KCNAB2: variants seen among roughly 807,000 people sequenced by gnomAD.
The protein encoded by KCNAB2 is voltage-gated potassium channel subunit beta-2.
In KCNAB2, 29 loss-of-function variants were observed where a neutral mutation model predicts 63.6. The ratio of observed to expected loss-of-function variants is 0.46; its 90% CI spans 0.34 to 0.62. KCNAB2 has a LOEUF of 0.62. Among genes scored for constraint, KCNAB2 ranks in the 20% least tolerant of loss-of-function variants. The pLI is 0.01. For synonymous variants in KCNAB2, 222 were observed against 224.2 expected (o/e 0.99, Z 0.09); for missense variants, 359 against 563.9 (o/e 0.64, Z 3.68).
At chr1:6,054,467 T>C (rs959267502) in intron 2 of KCNAB2, among the ~76,000 whole-genome samples, 5 of 152,168 alleles carry the variant, frequency 3.3e-5, no homozygotes, top group African/African-American at 1.2e-4. Context: ...CTGTCTCTAC[T>C]AAAAATACAA....
chr1:6,058,435 C>T (rs1243528192), intron 2 of KCNAB2, among the ~76,000 whole-genome samples: 1 of 152,206 alleles, frequency 6.6e-6, no homozygotes, highest in Non-Finnish European at 1.5e-5. Context: ...AGACAAGTCC[C>T]CTGGCCTCTC....
chr1:6,079,684 C>G (rs2871871), intron 4 of KCNAB2, among the ~76,000 whole-genome samples: 1 of 151,990 alleles, frequency 6.6e-6, no homozygotes, highest in Non-Finnish European at 1.5e-5. Flanking sequence ...TTCATAAATA[C>G]CAGAGAATGA....
chr1:6,095,208 C>A, intron 11 of KCNAB2, 115 bp from the exon 12 acceptor site: 1 of 1,119,602 alleles, frequency 8.9e-7, no homozygotes, highest in South Asian at 1.5e-5. Flanking sequence ...GCCCGGGCTG[C>A]AGCTGCTGGG....
Position 6,096,500 on chromosome 1 carries a change from C to T in KCNAB2, c.949-136C>T, listed in dbSNP as rs1665651761. ...TGAGAGGCCTGGGGCAGGGGCACTG[C>T]CCTGGCTTCAAGATGAGAAGAGCCC... On this transcript the variant is annotated intron_variant, in intron 13 of 15. Coordinates refer to ENST00000378083, the MANE Select transcript of KCNAB2 (RefSeq NM_001199862.2). This position sits in a 1 kb window ranked among gnomAD's most constrained non-coding sequence, Gnocchi z 5.9. 6 of 1,238,636 alleles carry T rather than the reference C, an allele frequency of 4.8e-6. No homozygotes were observed. Among genetic ancestry groups the T allele is most frequent in the Admixed American group, 2.9e-5 (1 of 34,928 alleles). The allele number at this position is 1,238,636 out of a possible 1,614,324, so 76.7% of individuals were successfully genotyped here.
In KCNAB2 at chr1:6,050,560, C is replaced by T. The variant is rs563996870; in HGVS notation, c.-26-951C>T. Among the ~76,000 whole-genome samples the T allele has an allele frequency of 6.6e-5, 10 of 152,332 alleles. No individual in the cohort carries two copies. The East Asian group carries it at 1.9e-3, about 29-fold the overall frequency. On this transcript the variant is annotated intron_variant, in intron 1 of 15. Transcript: ENST00000378083. ...TTTCTCCCTTGGCCTTTTAATTGTC[C>T]ACTATCTCTCAGGGCTCACTCACTC...
intron 1 of KCNAB2, among the ~76,000 whole-genome samples, chr1:6,039,975 C>T (rs564860097): frequency 6.6e-6 from 1 of 152,318 alleles, no homozygotes; most frequent in Admixed American, 6.5e-5. Flanking sequence ...CAGGGGCTGC[C>T]CAAGGGCAGG....
At chr1:6,008,322 C>T (rs1657946212) in intron 1 of KCNAB2, among the ~76,000 whole-genome samples, 1 of 152,096 alleles carries the variant, frequency 6.6e-6, no homozygotes, top group Non-Finnish European at 1.5e-5. Flanking sequence ...TGTTCATCCT[C>T]TTTAAGAATC....
At position 6,100,752 on chromosome 1, in the gene KCNAB2, C is replaced by T. The variant is rs1329149481; in HGVS notation, c.*2178C>T. ...TCCTGGATGTCCTGCTTGCTCCACA[C>T]CCATCTACAGGGAGGATGTGAGGGG... On this transcript the variant is annotated 3_prime_UTR_variant, in exon 16 of 16. Coordinates refer to ENST00000378083, the MANE Select transcript of KCNAB2 (RefSeq NM_001199862.2). The T allele has an allele frequency of 6.6e-6, 1 of 152,382 alleles. No homozygotes were observed. The highest frequency in any genetic ancestry group is 1.5e-5 in the Non-Finnish European group (1 of 68,138). The allele number at this position is 152,382 out of a possible 1,614,324, so 9.4% of individuals were successfully genotyped here.
intron 1 of KCNAB2, among the ~76,000 whole-genome samples, chr1:6,013,143 G>A (rs920208011): frequency 3.3e-5 from 5 of 152,214 alleles, no homozygotes; most frequent in Middle Eastern, 3.4e-3. Context: ...TGTTCAGAGC[G>A]GGCTGAGACA....
At chr1:6,053,306 G>A (rs1023297216) in intron 2 of KCNAB2, among the ~76,000 whole-genome samples, 7 of 152,112 alleles carry the variant, frequency 4.6e-5, no homozygotes, top group Admixed American at 1.3e-4. Flanking sequence ...GGCACCAGGC[G>A]CTGAGCCAGA....
chr1:6,075,292 C>T (rs1330486782), intron 4 of KCNAB2, among the ~76,000 whole-genome samples: 2 of 152,220 alleles, frequency 1.3e-5, no homozygotes, highest in Non-Finnish European at 2.9e-5. Context: ...AGACTAGACC[C>T]ATCCAATGAG....
At position 6,015,220 on chromosome 1, in the gene KCNAB2, C is replaced by T. The variant is rs537579005; in HGVS notation, c.-53+22432C>T. Among the ~76,000 whole-genome samples, 11 of 151,926 alleles carry T rather than the reference C, an allele frequency of 7.2e-5. No individual in the cohort carries two copies. The South Asian group carries it at 1.5e-3, about 20-fold the overall frequency. On this transcript the variant is annotated intron_variant, in intron 1 of 16. Transcript: ENST00000341524. Reference sequence around the variant, plus strand: ...CTACTTTTTGTATTTTTAGTAGAGACGGTTTCATCATGTTGGCCAGGCTGA... The same window carrying T: ...CTACTTTTTGTATTTTTAGTAGAGATGGTTTCATCATGTTGGCCAGGCTGA...
intron 13 of KCNAB2, 144 bp downstream of exon 13, chr1:6,095,768 T>C: frequency 1.3e-6 from 1 of 748,422 alleles, no homozygotes; most frequent in Non-Finnish European, 2.3e-6. Context: ...GGCGGGCTCC[T>C]TGGCGTGAGA....
At chr1:6,042,936 C>G (rs935259879), upstream of KCNAB2, among the ~76,000 whole-genome samples, 1 of 150,626 alleles carries the variant, frequency 6.6e-6, no homozygotes, top group Non-Finnish European at 1.5e-5. Flanking sequence ...AGTGCCTCCT[C>G]GGAGGTCCTG....
At position 6,003,401 on chromosome 1, in the gene KCNAB2, G is replaced by A. The variant is rs181294270; in HGVS notation, c.-53+10613G>A. On this transcript the variant is annotated intron_variant, in intron 1 of 16. Coordinates refer to the KCNAB2 transcript ENST00000341524. This position sits in a 1 kb window ranked among gnomAD's most constrained non-coding sequence, Gnocchi z 4.1. ...AGCAGGGGTTCCTCCCCACTCGCTCGCTCGGCTGCCTTCAGCCCCTGCAGA... is the reference window on the plus strand; with the variant it reads ...AGCAGGGGTTCCTCCCCACTCGCTCACTCGGCTGCCTTCAGCCCCTGCAGA... 1.4e-3 allele frequency among the ~76,000 whole-genome samples: 213 copies of A among 152,322 alleles called. No homozygotes were observed. The highest frequency in any genetic ancestry group is 4.2e-3 in the African/African-American group (173 of 41,570).
chr1:6,053,074 G>A (rs980951424), intron 2 of KCNAB2, among the ~76,000 whole-genome samples: 12 of 152,048 alleles, frequency 7.9e-5, no homozygotes, highest in African/African-American at 2.9e-4. Flanking sequence ...TTGTAATTTA[G>A]AAACAAAACA....
chr1:6,098,588 G>A lies in KCNAB2; in HGVS notation c.*14G>A, dbSNP rs113230940. 1,272 of 1,612,268 alleles carry A rather than the reference G, an allele frequency of 7.9e-4. 7 individuals are homozygous for A. The African/African-American group carries it at 0.013, about 16-fold the overall frequency. ...TACAGATCCTAAGCCGCCCCCGCCC[G>A]CCTGCTCGGACAGTTTCCGTTCCCT... is the stretch of plus-strand genomic sequence containing the variant. On this transcript the variant is annotated 3_prime_UTR_variant, in exon 16 of 16. Coordinates refer to ENST00000378083, the MANE Select transcript of KCNAB2 (RefSeq NM_001199862.2).
At chr1:6,033,262 T>TGC (rs1659767148), upstream of KCNAB2, among the ~76,000 whole-genome samples, 1 of 150,918 alleles carries the variant, frequency 6.6e-6, no homozygotes, top group Non-Finnish European at 1.5e-5. Flanking sequence ...TGTGTGTGTG[T>TGC]GCCTGTGTGC....
chr1:6,091,664 G>A (rs1309127434), intron 10 of KCNAB2, among the ~76,000 whole-genome samples: 2 of 152,134 alleles, frequency 1.3e-5, no homozygotes, highest in Non-Finnish European at 1.5e-5. Context: ...GGTTGGGGAA[G>A]ACCAGGTTTC....
Sources: allele counts gnomAD v4.1 joint callset (sites outside exome capture counted in the v4.1 genomes callset), GRCh38; gene constraint gnomAD v4.1.1; non-coding constraint Gnocchi (gnomAD v3.1); transcripts MANE v1.5; gene names NCBI Gene and HGNC (gene_info 2026-07-23, HGNC 2026-07-21).